The following TRIO variants were observed in gnomAD, a reference collection of about 807,000 sequenced individuals.
The protein encoded by TRIO is triple functional domain protein.
In TRIO, 58 loss-of-function variants were observed where a neutral mutation model predicts 351.9. That is an observed-to-expected ratio of 0.16 (90% CI 0.13 to 0.21). The LOEUF is 0.21. Among genes scored for constraint, TRIO ranks in the 10% least tolerant of loss-of-function variants. The pLI is 1.00. For missense variants in TRIO, 3,201 were observed against 4,027.8 expected, an observed-to-expected ratio of 0.79 and a Z score of 5.56; for synonymous variants, 1,758 against 1,595.7, an observed-to-expected ratio of 1.10 and a Z score of -2.42.
intron 3 of TRIO, among the ~76,000 whole-genome samples, chr5:14,281,859 T>A (rs190014573): frequency 6.6e-6 from 1 of 152,288 alleles, no homozygotes; most frequent in Admixed American, 6.5e-5. Context: ...AAGAGAATGA[T>A]GTAAGATGGT....
intron 1 of TRIO, among the ~76,000 whole-genome samples, chr5:14,217,398 C>G (rs1478962727): frequency 1.3e-5 from 2 of 152,256 alleles, no homozygotes; most frequent in African/African-American, 4.8e-5. Flanking sequence ...GCACTAGTCC[C>G]CAGGAGAGTG....
intron 34 of TRIO, among the ~76,000 whole-genome samples, chr5:14,434,525 G>A (rs1270555394): frequency 6.6e-6 from 1 of 151,550 alleles, no homozygotes; most frequent in Non-Finnish European, 1.5e-5. Flanking sequence ...AATAATTTTG[G>A]ACCTACAGAA....
chr5:14,302,087 A>G (rs974850231), intron 7 of TRIO, among the ~76,000 whole-genome samples: 1 of 152,224 alleles, frequency 6.6e-6, no homozygotes, highest in Non-Finnish European at 1.5e-5. Flanking sequence ...AAGAAATTAT[A>G]AGTTAGTTCT....
At chr5:14,364,030 G>A in intron 14 of TRIO, 103 bp downstream of exon 14, 5 of 1,167,142 alleles carry the variant, frequency 4.3e-6, no homozygotes, top group Non-Finnish European at 4.8e-6. Context: ...TAGTTCCTAT[G>A]ATAAAGGTAT....
chr5:14,343,104 AAAG>A lies in TRIO; in HGVS notation c.2046+6379_2046+6381del, dbSNP rs1373847151. 2.6e-5 allele frequency among the ~76,000 whole-genome samples: 4 copies of A among 151,458 alleles called. No homozygotes were observed. In the East Asian group the frequency reaches 5.8e-4, roughly 22 times the overall value. ...CAGAAAGTTGCAAAAAAAAAAAAAAAAAGAGAGAGAAATGGACAAGGAGGTCCC... is the reference window on the plus strand; with the variant it reads ...CAGAAAGTTGCAAAAAAAAAAAAAAAAGAGAGAAATGGACAAGGAGGTCCC... On this transcript the variant is annotated intron_variant, in intron 11 of 56. Coordinates refer to ENST00000344204, the MANE Select transcript of TRIO (RefSeq NM_007118.4).
In TRIO at chr5:14,481,972, A is replaced by G. The variant is rs561489858; in HGVS notation, c.6465+354A>G. Among the ~76,000 whole-genome samples, 136 of 150,414 alleles carry G rather than the reference A, an allele frequency of 9.0e-4. 1 individual carries two copies. Among genetic ancestry groups the G allele is most frequent in the Middle Eastern group, 3.5e-3 (1 of 288 alleles). ...ATGTAGTAGGACCTCGGAGGTCCCC[A>G]CTCTCTCATCTCTGGGACTTGATAC... On this transcript the variant is annotated intron_variant, in intron 45 of 56. Coordinates refer to ENST00000344204, the MANE Select transcript of TRIO (RefSeq NM_007118.4).
chr5:14,179,949 T>C (rs939584114), intron 1 of TRIO, among the ~76,000 whole-genome samples: 2 of 151,426 alleles, frequency 1.3e-5, no homozygotes, highest in Admixed American at 1.3e-4. Flanking sequence ...AAATACAAAA[T>C]CATTAGCTGG....
At chr5:14,262,772 G>A (rs1425272285) in intron 1 of TRIO, among the ~76,000 whole-genome samples, 2 of 151,800 alleles carry the variant, frequency 1.3e-5, no homozygotes, top group African/African-American at 4.8e-5. Flanking sequence ...TTATGAGGCA[G>A]GTACTGTTCT....
rs1793123070 is a variant in TRIO at position 14,227,482 on chromosome 5, A to T, written c.158-43343A>T. Among the ~76,000 whole-genome samples the T allele has an allele frequency of 3.9e-5, 6 of 152,214 alleles. No homozygotes were observed. In the South Asian group the frequency reaches 1.2e-3, roughly 32 times the overall value. ...CTGACGATCAGTTTTACTAAGTGGC[A>T]TACTCCAGTTTTTTATTTAATGCAG... On this transcript the variant is annotated intron_variant, in intron 1 of 56. Coordinates refer to ENST00000344204, the MANE Select transcript of TRIO (RefSeq NM_007118.4).
chr5:14,215,560 T>C (rs562399209), intron 1 of TRIO, among the ~76,000 whole-genome samples: 1 of 152,232 alleles, frequency 6.6e-6, no homozygotes, highest in Non-Finnish European at 1.5e-5. Context: ...AAAATGGCTT[T>C]AGACTAAATG....
chr5:14,455,352 GCT>G (rs1218227650), intron 34 of TRIO, among the ~76,000 whole-genome samples: 1 of 152,084 alleles, frequency 6.6e-6, no homozygotes, highest in Non-Finnish European at 1.5e-5. Flanking sequence ...GACACAGAGT[GCT>G]GATTGGTGTA....
intron 6 of TRIO, among the ~76,000 whole-genome samples, chr5:14,296,628 A>T (rs1737385147): frequency 6.6e-6 from 1 of 152,216 alleles, no homozygotes; most frequent in African/African-American, 2.4e-5. Context: ...TCACACAAAT[A>T]GCCTTTGGTT....
At chr5:14,478,104 G>T (rs1457632577) in intron 41 of TRIO, among the ~76,000 whole-genome samples, 1 of 152,092 alleles carries the variant, frequency 6.6e-6, no homozygotes, top group African/African-American at 2.4e-5. Context: ...AAAAAAAAGT[G>T]GTTAGTTCCA....
chr5:14,339,385 A>G (rs1368493848), intron 11 of TRIO, among the ~76,000 whole-genome samples: 1 of 152,264 alleles, frequency 6.6e-6, no homozygotes, highest in Non-Finnish European at 1.5e-5. Flanking sequence ...GAAATTATTT[A>G]AAAGTAAAAA....
chr5:14,233,494 G>GA (rs1013227429), intron 1 of TRIO, among the ~76,000 whole-genome samples: 14 of 149,424 alleles, frequency 9.4e-5, no homozygotes, highest in African/African-American at 9.8e-5. Flanking sequence ...TCTGTCAAAA[G>GA]AAAAAAAAAG....
At chr5:14,448,663 G>A (rs974978064) in intron 34 of TRIO, among the ~76,000 whole-genome samples, 2 of 152,334 alleles carry the variant, frequency 1.3e-5, no homozygotes, top group Non-Finnish European at 1.5e-5. Flanking sequence ...TGTGGACTGC[G>A]CGTTAGGAGC....
At chr5:14,301,587 G>A (rs1190775246) in intron 7 of TRIO, among the ~76,000 whole-genome samples, 1 of 152,112 alleles carries the variant, frequency 6.6e-6, no homozygotes, top group African/African-American at 2.4e-5. Context: ...ATATGTGTGT[G>A]TATGTGTATC....
chr5:14,458,427 G>A (rs540228224), intron 34 of TRIO, among the ~76,000 whole-genome samples: 1 of 152,288 alleles, frequency 6.6e-6, no homozygotes, highest in East Asian at 1.9e-4. Context: ...TCAAAGGCCA[G>A]CTTCAGTGCC....
At chr5:14,384,006 A>C (rs1746335134) in intron 21 of TRIO, among the ~76,000 whole-genome samples, 1 of 152,074 alleles carries the variant, frequency 6.6e-6, no homozygotes, top group South Asian at 2.1e-4. Flanking sequence ...GCTCGCTGAG[A>C]CTCGGCTCGG....
Sources: gnomAD v4.1 joint callset for allele counts (sites outside exome capture counted in the v4.1 genomes callset) on GRCh38, gnomAD v4.1.1 for gene constraint, MANE v1.5 for transcripts, NCBI Gene and HGNC (gene_info 2026-07-23, HGNC 2026-07-21) for gene names.